The following FBXO9 variants were observed in gnomAD, a reference collection of about 807,000 sequenced individuals.
FBXO9 encodes F-box protein 9, also known as F-box only protein 9.
Under a neutral mutation model 63.7 loss-of-function variants are expected in FBXO9, and 43 were observed. That is an observed-to-expected ratio of 0.67 (90% CI 0.53 to 0.87). The LOEUF is 0.87. Ranked by LOEUF, FBXO9 falls within the 40% of genes least tolerant of loss-of-function variation. The probability of loss-of-function intolerance (pLI) is 0.00; values close to 1 mark genes in which losing one functional copy is unlikely to be tolerated. For synonymous variants in FBXO9, 156 were observed against 171.7 expected, an observed-to-expected ratio of 0.91 and a Z score of 0.72; for missense variants, 442 against 533.2, an observed-to-expected ratio of 0.83 and a Z score of 1.68.
intron 7 of FBXO9, among the ~76,000 whole-genome samples, chr6:53,084,301 A>C (rs1370697028): frequency 6.6e-6 from 1 of 152,170 alleles, no homozygotes; most frequent in East Asian, 1.9e-4. Flanking sequence ...ACTTTATCAG[A>C]GGGATTTATC....
chr6:53,091,571 G>A (rs1763041645), intron 7 of FBXO9: 1 of 152,342 alleles, frequency 6.6e-6, no homozygotes, highest in South Asian at 2.1e-4. Context: ...GTTTCACTAT[G>A]TTGGCCAGGC....
intron 7 of FBXO9, among the ~76,000 whole-genome samples, chr6:53,084,506 G>A (rs1305468530): frequency 6.6e-6 from 1 of 152,188 alleles, no homozygotes; most frequent in African/African-American, 2.4e-5. Context: ...ATATGGTTCT[G>A]ATGTCATGGG....
chr6:53,073,814 G>T, intron 3 of FBXO9, 175 bp downstream of exon 3: 1 of 513,864 alleles, frequency 1.9e-6, no homozygotes, highest in Admixed American at 3.3e-5. Flanking sequence ...ATTTCTTCTA[G>T]GTACTTTGGA....
At position 53,065,666 on chromosome 6, in the gene FBXO9, T is replaced by C; in HGVS notation, c.-124T>C. On this transcript the variant is annotated 5_prime_UTR_variant, in exon 1 of 13. Transcript: ENST00000323557. ...CTGGTGCGCTTCTCCGACCGAGAAC[T>C]CTGCTAAGCTCCGCTGCAGAGACAG... The C allele has an allele frequency of 8.4e-7, 1 of 1,195,392 alleles. No homozygotes were observed. Among genetic ancestry groups the C allele is most frequent in the Non-Finnish European group, 1.1e-6 (1 of 920,154 alleles). The allele number at this position is 1,195,392 out of a possible 1,614,324, so 74.0% of individuals were successfully genotyped here. A position where few individuals can be genotyped will look rare whatever the true frequency, so the allele number is the denominator to read the frequency against.
At position 53,071,002 on chromosome 6, in the gene FBXO9, A is replaced by G. The variant is rs1244929636; in HGVS notation, c.4-55A>G. ...TGGCTGAATGAGAAATGTAGATTGC[A>G]GAGGGCAACTGGTGTGTTTATATGC... On this transcript the variant is annotated intron_variant, in intron 1 of 12. Coordinates refer to ENST00000323557, the MANE Select transcript of FBXO9 (RefSeq NM_033480.3). The G allele has an allele frequency of 8.4e-6, 13 of 1,551,044 alleles. No individual in the cohort carries two copies. In the South Asian group the frequency reaches 1.2e-4, roughly 14 times the overall value.
chr6:53,082,655 G>A (rs1249099081), intron 7 of FBXO9, 37 bp downstream of exon 7: 1 of 1,419,372 alleles, frequency 7.0e-7, no homozygotes, highest in Admixed American at 1.8e-5. Context: ...AAACAACTGA[G>A]GCAATGGTGA....
chr6:53,074,090 A>G (rs1161282514), intron 3 of FBXO9, among the ~76,000 whole-genome samples: 1 of 152,234 alleles, frequency 6.6e-6, no homozygotes, highest in Non-Finnish European at 1.5e-5. Flanking sequence ...GCTTACAATA[A>G]TGCATTAATC....
At chr6:53,074,821 C>G (rs1346425804) in intron 3 of FBXO9, among the ~76,000 whole-genome samples, 3 of 152,274 alleles carry the variant, frequency 2.0e-5, no homozygotes, top group Non-Finnish European at 4.4e-5. Flanking sequence ...AATAGTATTG[C>G]ATGGTATGGA....
intron 3 of FBXO9, among the ~76,000 whole-genome samples, chr6:53,075,264 T>C (rs1448534715): frequency 1.3e-5 from 2 of 151,562 alleles, no homozygotes; most frequent in South Asian, 2.1e-4. Flanking sequence ...GCCTCCCAAA[T>C]AGCTGGGATT....
In FBXO9 at chr6:53,092,841, C is replaced by CCTG; in HGVS notation, c.863+17_863+18insCTG. 6.5e-7 allele frequency: 1 copy of CCTG among 1,530,902 alleles called. No individual in the cohort carries two copies. Among genetic ancestry groups the CCTG allele is most frequent in the Admixed American group, 1.8e-5 (1 of 54,800 alleles). 94.8% of individuals were successfully genotyped at this position (1,530,902 alleles called of 1,614,324 possible). On this transcript the variant is annotated intron_variant, in intron 9 of 12. Transcript: ENST00000323557. The stretch of plus-strand genomic sequence containing the variant: ...ATATTACAGGTACAACTGTAGTACA[C>CCTG]TGAGTGAGTGGAAAATTCTCTCTCT...
rs1305293043 is a variant in FBXO9 at position 53,100,194 on chromosome 6, CAA to C, written c.*2366_*2367del. The C allele has an allele frequency of 6.6e-6, 1 of 152,012 alleles. No individual in the cohort carries two copies. Among genetic ancestry groups the C allele is most frequent in the Non-Finnish European group, 1.5e-5 (1 of 67,962 alleles). 9.4% of individuals were successfully genotyped at this position (152,012 alleles called of 1,614,324 possible). A position where few individuals can be genotyped will look rare whatever the true frequency, so the allele number is the denominator to read the frequency against. ...ATAAAATAAAATTTAAAAAAACACCCAAAGATAACCAGAAGAAAATTTTTGCT... is the reference window on the plus strand; with the variant it reads ...ATAAAATAAAATTTAAAAAAACACCCAGATAACCAGAAGAAAATTTTTGCT... On this transcript the variant is annotated 3_prime_UTR_variant, in exon 13 of 13. Coordinates refer to ENST00000323557, the MANE Select transcript of FBXO9 (RefSeq NM_033480.3).
intron 1 of FBXO9, among the ~76,000 whole-genome samples, chr6:53,068,216 T>C (rs896537117): frequency 6.6e-6 from 1 of 152,218 alleles, no homozygotes; most frequent in African/African-American, 2.4e-5. Context: ...GCCATTTCCC[T>C]GATTGCCACA....
intron 7 of FBXO9, among the ~76,000 whole-genome samples, chr6:53,087,797 G>A (rs1762936735): frequency 6.6e-6 from 1 of 152,148 alleles, no homozygotes; most frequent in African/African-American, 2.4e-5. Context: ...AATACTTTAA[G>A]AAAACTTCAT....
intron 7 of FBXO9, among the ~76,000 whole-genome samples, chr6:53,090,344 A>G (rs2744454): frequency 0.74 from 112,157 of 152,062 alleles, 42,260 homozygotes; most frequent in South Asian, 0.88. Context: ...GACAACTTTC[A>G]TAGTTATTCC....
At chr6:53,090,188 TG>T (rs1763004959) in intron 7 of FBXO9, among the ~76,000 whole-genome samples, 3 of 152,222 alleles carry the variant, frequency 2.0e-5, no homozygotes, top group Admixed American at 2.0e-4. Flanking sequence ...AAGTATTTTT[TG>T]TATAAGGTTT....
At chr6:53,074,385 T>C (rs1019311497) in intron 3 of FBXO9, among the ~76,000 whole-genome samples, 13 of 152,368 alleles carry the variant, frequency 8.5e-5, no homozygotes, top group African/African-American at 2.9e-4. Flanking sequence ...AGGGAAGTCC[T>C]GTGTGCCCTT....
chr6:53,075,228 C>G (rs1424410416), intron 3 of FBXO9, among the ~76,000 whole-genome samples: 1 of 151,594 alleles, frequency 6.6e-6, no homozygotes, highest in Non-Finnish European at 1.5e-5. Context: ...CTCTGCCTCC[C>G]GGGTTCAAGC....
At position 53,077,357 on chromosome 6, in the gene FBXO9, C is replaced by CA. The variant is rs768139021; in HGVS notation, c.307+815dup. Among the ~76,000 whole-genome samples, 10 of 150,714 alleles carry CA rather than the reference C, an allele frequency of 6.6e-5. No homozygotes were observed. In the East Asian group the frequency reaches 1.6e-3, roughly 23 times the overall value. ...GCGTAGTGGCGGGCGCCTGTAGTCC[C>CA]AGCTACTTGGGAGGCTGAGGCAGGA... On this transcript the variant is annotated intron_variant, in intron 4 of 12. Transcript: ENST00000323557.
At chr6:53,082,657 C>T (rs1769353446) in intron 7 of FBXO9, 39 bp downstream of exon 7, 2 of 1,406,174 alleles carry the variant, frequency 1.4e-6, no homozygotes, top group South Asian at 2.4e-5. Flanking sequence ...ACAACTGAGG[C>T]AATGGTGAAA....
Sources: gnomAD v4.1 joint callset for allele counts (sites outside exome capture counted in the v4.1 genomes callset) on GRCh38, gnomAD v4.1.1 for gene constraint, MANE v1.5 for transcripts, NCBI Gene and HGNC (gene_info 2026-07-23, HGNC 2026-07-21) for gene names.